ANKS1B: variants seen among roughly 807,000 people sequenced by gnomAD.
ANKS1B encodes the protein ankyrin repeat and sterile alpha motif domain-containing protein 1B.
In ANKS1B, 36 loss-of-function variants were observed where a neutral mutation model predicts 148.3. The ratio of observed to expected loss-of-function variants is 0.24; its 90% confidence interval spans 0.19 to 0.32. The LOEUF is 0.32. ANKS1B is among the 10% of genes least tolerant of loss of function. The pLI is 1.00. For synonymous variants in ANKS1B, 542 were observed against 560.8 expected, an observed-to-expected ratio of 0.97 and a Z score of 0.47; for missense variants, 1,157 against 1,542.6, an observed-to-expected ratio of 0.75 and a Z score of 4.19.
At chr12:99,599,976 T>G (rs564820903) in intron 9 of ANKS1B, among the ~76,000 whole-genome samples, 4 of 152,132 alleles carry the variant, frequency 2.6e-5, no homozygotes, top group African/African-American at 9.6e-5. Flanking sequence ...CTGCTTTTAT[T>G]GCTGGTCCCA....
chr12:99,116,128 C>T (rs1209243926), intron 15 of ANKS1B, among the ~76,000 whole-genome samples: 4 of 152,022 alleles, frequency 2.6e-5, no homozygotes, highest in Non-Finnish European at 5.9e-5. Context: ...ATTTTATGTG[C>T]GTAAAGTGCT....
At chr12:99,926,383 T>A (rs1012298432) in intron 1 of ANKS1B, among the ~76,000 whole-genome samples, 1 of 152,164 alleles carries the variant, frequency 6.6e-6, no homozygotes, top group Non-Finnish European at 1.5e-5. Flanking sequence ...CTCCCTAACA[T>A]GGTAAGCCTC....
At chr12:99,822,452 C>T (rs1017170578) in intron 2 of ANKS1B, among the ~76,000 whole-genome samples, 3 of 152,134 alleles carry the variant, frequency 2.0e-5, no homozygotes, top group Admixed American at 1.3e-4. Context: ...CTCCCTACCC[C>T]CTCTAGTGGT....
chr12:98,888,086 G>C (rs146470973), intron 17 of ANKS1B, among the ~76,000 whole-genome samples: 1,629 of 152,146 alleles, frequency 0.011, 31 homozygotes, highest in African/African-American at 0.037. Context: ...GTGGTATTTG[G>C]GGTAATTAAA....
intron 20 of ANKS1B, among the ~76,000 whole-genome samples, 160 bp downstream of exon 20, chr12:98,807,684 G>A (rs923340612): frequency 6.6e-6 from 1 of 152,036 alleles, no homozygotes; most frequent in African/African-American, 2.4e-5. Context: ...TAATCACAAG[G>A]CACAGTAAAT....
chr12:99,474,893 A>C (rs947893855), intron 10 of ANKS1B, among the ~76,000 whole-genome samples: 1 of 152,000 alleles, frequency 6.6e-6, no homozygotes, highest in African/African-American at 2.4e-5. Context: ...AAAGAGTGAA[A>C]ATATTTATTT....
intron 9 of ANKS1B, among the ~76,000 whole-genome samples, chr12:99,544,277 C>T (rs779248830): frequency 1.3e-5 from 2 of 152,088 alleles, no homozygotes. Context: ...TATTTCAATT[C>T]TCACTCCTGA....
At position 99,404,374 on chromosome 12, in the gene ANKS1B, A is replaced by G. The variant is rs1252098068; in HGVS notation, c.1576-4563T>C. Among the ~76,000 whole-genome samples, 5 of 146,214 alleles carry G rather than the reference A, an allele frequency of 3.4e-5. 1 individual carries two copies. Among genetic ancestry groups the G allele is most frequent in the Non-Finnish European group, 6.0e-5 (4 of 66,206 alleles). On this transcript the variant is annotated intron_variant, in intron 11 of 26. Coordinates refer to ENST00000683438, the MANE Select transcript of ANKS1B (RefSeq NM_001352186.2). ...AAATGAGAACAAAGAAGCTGCTTTG[A>G]GGAAACTCAACAAAATTCAAGATAA...
intron 10 of ANKS1B, among the ~76,000 whole-genome samples, chr12:99,462,598 A>G (rs2096000537): frequency 1.3e-5 from 2 of 152,220 alleles, no homozygotes; most frequent in South Asian, 4.1e-4. Context: ...TTTTTAACCA[A>G]TTAGGTACTA....
At chr12:99,740,498 G>A (rs1360501535) in intron 8 of ANKS1B, among the ~76,000 whole-genome samples, 1 of 152,108 alleles carries the variant, frequency 6.6e-6, no homozygotes, top group Non-Finnish European at 1.5e-5. Context: ...CAAGAAAAAG[G>A]ATCTGCTCAT....
intron 17 of ANKS1B, among the ~76,000 whole-genome samples, chr12:99,001,844 CTCTGTT>C (rs1440607186): frequency 1.1e-4 from 16 of 152,242 alleles, no homozygotes; most frequent in Admixed American, 5.2e-4. Flanking sequence ...AATTTCTACT[CTCTGTT>C]TCTAAGAGTT....
At chr12:99,455,035 T>C (rs147923369) in intron 10 of ANKS1B, among the ~76,000 whole-genome samples, 16 of 152,374 alleles carry the variant, frequency 1.1e-4, no homozygotes, top group Admixed American at 6.5e-4. Context: ...ATTCTTATTT[T>C]GGCTCTTCAG....
At chr12:99,800,146 T>A (rs1279653283) in intron 4 of ANKS1B, among the ~76,000 whole-genome samples, 1 of 152,050 alleles carries the variant, frequency 6.6e-6, no homozygotes, top group Admixed American at 6.6e-5. Flanking sequence ...TAAGGTTAAA[T>A]TGGGTCATAA....
intron 11 of ANKS1B, among the ~76,000 whole-genome samples, chr12:99,404,098 T>C (rs969107447): frequency 6.1e-5 from 9 of 146,540 alleles, no homozygotes; most frequent in South Asian, 2.1e-4. Context: ...ATATTGCATG[T>C]TCTCACTTAT....
At chr12:99,358,872 A>G (rs2092258339) in intron 12 of ANKS1B, among the ~76,000 whole-genome samples, 1 of 152,158 alleles carries the variant, frequency 6.6e-6, no homozygotes, top group Non-Finnish European at 1.5e-5. Flanking sequence ...GAACTAAACA[A>G]ACAAGCAGGG....
chr12:99,922,454 TAAG>T (rs2094382543), intron 1 of ANKS1B, among the ~76,000 whole-genome samples: 1 of 152,122 alleles, frequency 6.6e-6, no homozygotes, highest in African/African-American at 2.4e-5. Context: ...CGTTTTGTAT[TAAG>T]AATAGGAAAG....
intron 1 of ANKS1B, among the ~76,000 whole-genome samples, chr12:99,932,238 T>C (rs10745880): frequency 0.6 from 91,580 of 152,072 alleles, 28,703 homozygotes; most frequent in Middle Eastern, 0.7. Flanking sequence ...CATGGGGGTG[T>C]AAATATGTCT....
chr12:99,853,553 G>A (rs530415849), intron 1 of ANKS1B, among the ~76,000 whole-genome samples: 34 of 152,110 alleles, frequency 2.2e-4, no homozygotes, highest in Non-Finnish European at 4.3e-4. Context: ...CACATCAAGG[G>A]AGCACCCTGT....
intron 1 of ANKS1B, among the ~76,000 whole-genome samples, chr12:99,846,168 T>C (rs2086640846): frequency 6.6e-6 from 1 of 152,144 alleles, no homozygotes. Context: ...AGTTTGCTTT[T>C]TTGTTTTATA....
Sources: allele counts gnomAD v4.1 joint callset (sites outside exome capture counted in the v4.1 genomes callset), GRCh38; gene constraint gnomAD v4.1.1; transcripts MANE v1.5; gene names NCBI Gene and HGNC (gene_info 2026-07-23, HGNC 2026-07-21).